Variants in NAA40 observed in about 807,000 individuals in gnomAD.
NAA40 encodes the protein N-alpha-acetyltransferase 40.
A neutral mutation model predicts 36.6 loss-of-function variants in NAA40; 26 were observed. The ratio of observed to expected loss-of-function variants is 0.71; its 90% confidence interval spans 0.52 to 0.98. The LOEUF (loss-of-function observed/expected upper bound fraction) is 0.98, where lower values mean the gene tolerates loss of function less well. Ranked by LOEUF, NAA40 falls within the 50% of genes least tolerant of loss-of-function variation. The pLI is 0.00. For missense variants in NAA40, 237 were observed against 306.5 expected (o/e 0.77, Z 1.69); for synonymous variants, 129 against 108.4 (o/e 1.19, Z -1.18).
chr11:63,945,619 T>G (rs1942174282), intron 1 of NAA40, among the ~76,000 whole-genome samples: 1 of 152,070 alleles, frequency 6.6e-6, no homozygotes, highest in East Asian at 1.9e-4. Flanking sequence ...CAGTGCTCTT[T>G]CTGAAGGGAA....
At position 63,954,443 on chromosome 11, in the gene NAA40, C is replaced by T. The variant is rs1383975747; in HGVS notation, c.678C>T (p.Ser226=). ...CCAAGTTTGGGGACAGCCATCACTC[C>T]CACGCGGGTGGGCACTGTGGTGGCT... ...RRTKFGDSHH[S]HAGGHCGGCC... The change falls in exon 8 of 8, where the codon TCC becomes TCT. Residue 226 remains serine, a synonymous_variant. Transcript: ENST00000377793. The T allele has an allele frequency of 1.5e-5, 24 of 1,611,212 alleles. No individual in the cohort carries two copies. Among genetic ancestry groups the T allele is most frequent in the Non-Finnish European group, 2.0e-5 (23 of 1,178,756 alleles).
At chr11:63,952,050 T>C in intron 3 of NAA40, 188 bp from the exon 4 acceptor site, 1 of 552,708 alleles carries the variant, frequency 1.8e-6, no homozygotes. Flanking sequence ...TGGCCACAGT[T>C]GTTAATCTCA....
intron 1 of NAA40, 156 bp downstream of exon 1, chr11:63,939,258 T>C (rs1942067041): frequency 7.8e-7 from 1 of 1,273,964 alleles, no homozygotes; most frequent in Non-Finnish European, 1.0e-6. Flanking sequence ...ATTCTAAGGG[T>C]CCCTACGCTA....
intron 1 of NAA40, among the ~76,000 whole-genome samples, chr11:63,943,796 A>C (rs1444560683): frequency 1.3e-5 from 2 of 151,902 alleles, no homozygotes; most frequent in Non-Finnish European, 1.5e-5. Context: ...CCCCATCTCT[A>C]AAAAAAATAA....
intron 2 of NAA40, chr11:63,946,540 C>T (rs945027607): frequency 4.1e-5 from 48 of 1,161,342 alleles, no homozygotes; most frequent in Non-Finnish European, 4.9e-5. Flanking sequence ...TTTGGTCATT[C>T]TTTTAACCCA....
intron 1 of NAA40, among the ~76,000 whole-genome samples, chr11:63,940,040 C>CTTTTT (rs10618202): frequency 1.3e-5 from 1 of 77,752 alleles, no homozygotes. Flanking sequence ...TGGCTGTATT[C>CTTTTT]TTTTTTTTTT....
Position 63,957,212 on chromosome 11 carries a change from A to ATATATATATTTT in NAA40, c.*2734_*2735insATATATATTTTT, listed in dbSNP as rs1278673521. 5 of 64,300 alleles carry ATATATATATTTT rather than the reference A, an allele frequency of 7.8e-5. No individual in the cohort carries two copies. The highest frequency in any genetic ancestry group is 2.1e-4 in the African/African-American group (5 of 23,942). 4.0% of individuals were successfully genotyped at this position (64,300 alleles called of 1,614,324 possible). On this transcript the variant is annotated 3_prime_UTR_variant, in exon 8 of 8. Transcript: ENST00000377793. ...CCTTGATATATATATATATATATAT[A>ATATATATATTTT]TTTTTTTTTTTCTTTAGCAGCTTGT...
At chr11:63,954,200 T>C in intron 7 of NAA40, 138 bp from the exon 8 acceptor site, 4 of 1,333,842 alleles carry the variant, frequency 3.0e-6, no homozygotes, top group Non-Finnish European at 4.1e-6. Context: ...GGCAGTGCTC[T>C]CTGATTTGGT....
chr11:63,948,808 C>G (rs144891307), intron 3 of NAA40, among the ~76,000 whole-genome samples: 34 of 152,270 alleles, frequency 2.2e-4, no homozygotes, highest in Non-Finnish European at 4.3e-4. Context: ...GATCCTCCCA[C>G]CTCGGCCTCC....
Position 63,954,348 on chromosome 11 carries a change from G to C in NAA40, c.583G>C (p.Asp195His). 1 of 1,591,598 alleles carries C rather than the reference G, an allele frequency of 6.3e-7. No homozygotes were observed. The highest frequency in any genetic ancestry group is 1.3e-5 in the African/African-American group (1 of 74,082). Residue 195 changes from aspartate to histidine, a missense_variant, in exon 8 of 8, where the codon GAT (aspartate) becomes CAT (histidine). By Grantham distance (81) the Asp-to-His change is moderately conservative. Transcript: ENST00000377793. ...FFREALQFEI[D>H]DSSPSMSGCC... ...CTGCCTGCCTTGCAGATTTGAAATT[G>C]ATGACTCTTCCCCCAGCATGTCCGG...
At chr11:63,942,301 A>G (rs1446624039) in intron 1 of NAA40, among the ~76,000 whole-genome samples, 1 of 152,214 alleles carries the variant, frequency 6.6e-6, no homozygotes, top group African/African-American at 2.4e-5. Flanking sequence ...CTGGGTTGTG[A>G]AAAGTAAAAT....
In NAA40 at chr11:63,954,029, G is replaced by A. The variant is rs766537937; in HGVS notation, c.552G>A (p.Gln184=). Residue 184 remains glutamine (Q), a synonymous_variant, in exon 7 of 8, where the codon CAG becomes CAA. Coordinates refer to ENST00000377793, the MANE Select transcript of NAA40 (RefSeq NM_024771.4). The stretch of plus-strand genomic sequence containing the variant: ...TTAAACACAATCATGGTGCCTACCA[G>A]TTCTTCAGAGAAGCGTTGCAGTAAG... ...TVFKHNHGAY[Q]FFREALQFEI... 8 of 1,614,180 alleles carry A rather than the reference G, an allele frequency of 5.0e-6. No homozygotes were observed. In the South Asian group the frequency reaches 8.8e-5, roughly 18 times the overall value.
chr11:63,949,722 A>G (rs57864399), intron 3 of NAA40, among the ~76,000 whole-genome samples: 8,552 of 147,130 alleles, frequency 0.058, 846 homozygotes, highest in African/African-American at 0.2. Flanking sequence ...AAATAGGATG[A>G]TGATGCCAAA....
intron 3 of NAA40, among the ~76,000 whole-genome samples, chr11:63,947,795 C>T (rs558797445): frequency 1.4e-5 from 2 of 148,054 alleles, no homozygotes; most frequent in East Asian, 2.0e-4. Context: ...GGTGCGATCT[C>T]GGCTCACTGC....
chr11:63,954,219 C>T (rs1248754738), intron 7 of NAA40, 119 bp from the exon 8 acceptor site: 4 of 1,427,612 alleles, frequency 2.8e-6, no homozygotes, highest in Middle Eastern at 2.4e-4. Context: ...GTCCACTGTC[C>T]ACCTCCTGCA....
chr11:63,947,583 C>T (rs1942207889), intron 3 of NAA40, among the ~76,000 whole-genome samples: 1 of 151,966 alleles, frequency 6.6e-6, no homozygotes. Context: ...TGGAGTCTTG[C>T]TTAGTCACCC....
chr11:63,941,310 C>G (rs1372233854), intron 1 of NAA40, among the ~76,000 whole-genome samples: 1 of 152,336 alleles, frequency 6.6e-6, no homozygotes, highest in African/African-American at 2.4e-5. Flanking sequence ...AGCCTGGCCT[C>G]AGGCTGAGTG....
intron 3 of NAA40, among the ~76,000 whole-genome samples, chr11:63,949,540 G>A (rs999866617): frequency 6.6e-6 from 1 of 151,998 alleles, no homozygotes; most frequent in Non-Finnish European, 1.5e-5. Flanking sequence ...TCTAAAATAG[G>A]AAGTATAATC....
At position 63,953,969 on chromosome 11, in the gene NAA40, C is replaced by T. The variant is rs769516409; in HGVS notation, c.495-3C>T. 3 of 1,613,602 alleles carry T rather than the reference C, an allele frequency of 1.9e-6. No homozygotes were observed. The South Asian group carries it at 3.3e-5, about 18-fold the overall frequency. On this transcript the variant is annotated splice_region_variant and splice_polypyrimidine_tract_variant and intron_variant, in intron 6 of 7. Transcript: ENST00000377793. ...AAAAGGCGTTTGCTCTGCTTTCTTC[C>T]AGCACACAGATGAAGAAGGTTATGT...
Sources: gnomAD v4.1 joint callset for allele counts (sites outside exome capture counted in the v4.1 genomes callset) on GRCh38, gnomAD v4.1.1 for gene constraint, MANE v1.5 for transcripts, NCBI Gene and HGNC (gene_info 2026-07-23, HGNC 2026-07-21) for gene names.